Variants in MVB12B observed in about 807,000 individuals in gnomAD.
MVB12B encodes ESCRT-I complex subunit MVB12B.
In MVB12B, 16 loss-of-function variants were observed where a neutral mutation model predicts 41.6. The observed-to-expected ratio is 0.38, with a 90% confidence interval of 0.26 to 0.58. The LOEUF is 0.58. MVB12B is among the 20% of genes least tolerant of loss of function. MVB12B has a pLI of 0.62. For missense variants in MVB12B, 274 were observed against 380.2 expected, an observed-to-expected ratio of 0.72 and a Z score of 2.32; for synonymous variants, 133 against 139.7, an observed-to-expected ratio of 0.95 and a Z score of 0.34.
At chr9:126,327,156 C>G (rs1246995168) in intron 1 of MVB12B, 146 bp downstream of exon 1, 1 of 705,802 alleles carries the variant, frequency 1.4e-6, no homozygotes, top group Non-Finnish European at 1.7e-6. Flanking sequence ...CCGTGCCCGG[C>G]CCGCGGCGGG....
intron 7 of MVB12B, among the ~76,000 whole-genome samples, chr9:126,472,920 C>T (rs949980126): frequency 2.0e-5 from 3 of 151,752 alleles, no homozygotes; most frequent in East Asian, 1.9e-4. Context: ...GGAGGTAGCT[C>T]GATGCTGTGG....
At chr9:126,442,787 G>A (rs1020773900) in intron 7 of MVB12B, among the ~76,000 whole-genome samples, 13 of 152,124 alleles carry the variant, frequency 8.5e-5, no homozygotes, top group South Asian at 8.3e-4. Context: ...GCCTACAGCC[G>A]GCCAACATGA....
At chr9:126,413,027 C>T (rs1321483934) in intron 6 of MVB12B, among the ~76,000 whole-genome samples, 1 of 152,176 alleles carries the variant, frequency 6.6e-6, no homozygotes, top group African/African-American at 2.4e-5. Context: ...AGTTCATTGC[C>T]ATGACAAATG....
rs2119091569 is a variant in MVB12B at position 126,422,061 on chromosome 9, TCC to T, written c.757+115_757+116del. On this transcript the variant is annotated intron_variant, in intron 7 of 9. Coordinates refer to ENST00000361171, the MANE Select transcript of MVB12B (RefSeq NM_033446.3). ...TCTGTCTGCCTTACCTCTCTTTTCT[TCC>T]CTGCAGGGGACCTGTTCCCTGCAGG... 1.2e-5 allele frequency: 9 copies of T among 773,290 alleles called. No individual in the cohort carries two copies. In the South Asian group the frequency reaches 1.2e-4, roughly 10 times the overall value. 47.9% of individuals were successfully genotyped at this position (773,290 alleles called of 1,614,324 possible). A position where few individuals can be genotyped will look rare whatever the true frequency, so the allele number is the denominator to read the frequency against.
intron 7 of MVB12B, among the ~76,000 whole-genome samples, chr9:126,476,727 A>T (rs1197848817): frequency 1.3e-5 from 2 of 151,872 alleles, no homozygotes; most frequent in African/African-American, 4.8e-5. Flanking sequence ...ATACAAAAAA[A>T]TTAGCCGGGC....
At position 126,448,828 on chromosome 9, in the gene MVB12B, T is replaced by TC. The variant is rs377630223; in HGVS notation, c.757+26884dup. 3.7e-3 allele frequency among the ~76,000 whole-genome samples: 560 copies of TC among 152,034 alleles called. 2 individuals carry two copies. The highest frequency in any genetic ancestry group is 0.013 in the African/African-American group (539 of 41,454). On this transcript the variant is annotated intron_variant, in intron 7 of 9. Coordinates refer to ENST00000361171, the MANE Select transcript of MVB12B (RefSeq NM_033446.3). ...CTGATCCAGTCACCTCCCACCAGGC[T>TC]CCCCGCCTCCAACATTGGGAATCAC...
In MVB12B at chr9:126,468,521, C is replaced by T. The variant is rs558720283; in HGVS notation, c.758-12848C>T. Among the ~76,000 whole-genome samples, 5 of 152,324 alleles carry T rather than the reference C, an allele frequency of 3.3e-5. No individual in the cohort carries two copies. The South Asian group carries it at 6.2e-4, about 19-fold the overall frequency. On this transcript the variant is annotated intron_variant, in intron 7 of 9. Transcript: ENST00000361171. This position sits in a 1 kb window ranked among gnomAD's most constrained non-coding sequence, Gnocchi z 4.3. Reference sequence around the variant, plus strand: ...AGGATCCTGGGGTCACCCTTGATTCCGCCTTGCCCCTCTGCAGCCAGTGGC... The same window carrying T: ...AGGATCCTGGGGTCACCCTTGATTCTGCCTTGCCCCTCTGCAGCCAGTGGC...
chr9:126,417,429 TTTC>T (rs1261769050), intron 6 of MVB12B, among the ~76,000 whole-genome samples: 23 of 152,212 alleles, frequency 1.5e-4, no homozygotes, highest in African/African-American at 3.6e-4. Flanking sequence ...CTGCTGCTGA[TTTC>T]TTCTTACCCA....
At chr9:126,355,177 A>G (rs555400761) in intron 2 of MVB12B, among the ~76,000 whole-genome samples, 80 of 152,300 alleles carry the variant, frequency 5.3e-4, no homozygotes, top group Non-Finnish European at 1.1e-3. Flanking sequence ...TAGGGCCCTT[A>G]TGCAGGGAAT....
chr9:126,448,730 G>C (rs772254441), intron 7 of MVB12B, among the ~76,000 whole-genome samples: 1 of 152,224 alleles, frequency 6.6e-6, no homozygotes, highest in African/African-American at 2.4e-5. Flanking sequence ...ACCAGATCTC[G>C]GTGAATTAAT....
chr9:126,500,100 ACT>A (rs1833923179), intron 9 of MVB12B, among the ~76,000 whole-genome samples: 1 of 152,114 alleles, frequency 6.6e-6, no homozygotes, highest in African/African-American at 2.4e-5. Flanking sequence ...GGCTGTGGAC[ACT>A]CGGGCTGGGG....
chr9:126,380,929 G>C lies in MVB12B; in HGVS notation c.205-135G>C, dbSNP rs74405529. On this transcript the variant is annotated intron_variant, in intron 2 of 9. Transcript: ENST00000361171. ...TTGGAAAATCTCATCCCAGTGCCTA[G>C]TGAAATGAGCTAATGAGATGCCGGG... 4.6e-3 allele frequency: 2,787 copies of C among 611,550 alleles called. 34 individuals carry two copies. Among genetic ancestry groups the C allele is most frequent in the African/African-American group, 0.034 (1,855 of 54,440 alleles). The allele number at this position is 611,550 out of a possible 1,614,324, so 37.9% of individuals were successfully genotyped here. A position where few individuals can be genotyped will look rare whatever the true frequency, so the allele number is the denominator to read the frequency against.
At chr9:126,374,570 G>A (rs946657188) in intron 2 of MVB12B, among the ~76,000 whole-genome samples, 1 of 152,234 alleles carries the variant, frequency 6.6e-6, no homozygotes, top group Non-Finnish European at 1.5e-5. Flanking sequence ...AAGGTTTGTA[G>A]AGCCTTGTGT....
chr9:126,386,780 A>G lies in MVB12B; in HGVS notation c.409+122A>G, dbSNP rs989750797. 7.3e-6 allele frequency: 5 copies of G among 685,280 alleles called. No homozygotes were observed. Among genetic ancestry groups the G allele is most frequent in the East Asian group, 5.5e-5 (2 of 36,272 alleles). The allele number at this position is 685,280 out of a possible 1,614,324, so 42.4% of individuals were successfully genotyped here. A position where few individuals can be genotyped will look rare whatever the true frequency, so the allele number is the denominator to read the frequency against. ...CTTTTGGAGGCCTTACTACATGCCC[A>G]TGAACAAACCCTGCTGCTTTTGATG... is the stretch of plus-strand genomic sequence containing the variant. On this transcript the variant is annotated intron_variant, in intron 4 of 9. Coordinates refer to ENST00000361171, the MANE Select transcript of MVB12B (RefSeq NM_033446.3). The surrounding 1 kb of genome is among the most constrained non-coding windows in gnomAD (Gnocchi z 4.3).
intron 7 of MVB12B, among the ~76,000 whole-genome samples, chr9:126,431,091 C>T (rs140037234): frequency 6.6e-5 from 10 of 152,356 alleles, no homozygotes; most frequent in African/African-American, 2.4e-4. Flanking sequence ...GGCTTGGGCC[C>T]AGCACGGTCT....
At position 126,478,533 on chromosome 9, in the gene MVB12B, G is replaced by A. The variant is rs1833464198; in HGVS notation, c.758-2836G>A. ...TCGGGGAAGGCATGCTGCAGGAGAG[G>A]CACTCAGAAGACTGGGAAGGACAGT... On this transcript the variant is annotated intron_variant, in intron 7 of 9. Transcript: ENST00000361171. The surrounding 1 kb of genome is among the most constrained non-coding windows in gnomAD (Gnocchi z 4.2). 6.6e-6 allele frequency among the ~76,000 whole-genome samples: 1 copy of A among 152,202 alleles called. No individual in the cohort carries two copies. Among genetic ancestry groups the A allele is most frequent in the Admixed American group, 6.5e-5 (1 of 15,284 alleles).
At chr9:126,472,720 A>G (rs940234996) in intron 7 of MVB12B, among the ~76,000 whole-genome samples, 1 of 152,134 alleles carries the variant, frequency 6.6e-6, no homozygotes, top group African/African-American at 2.4e-5. Context: ...ATGTACTGGC[A>G]CTTCAGTTTG....
In MVB12B at chr9:126,481,350, T is replaced by G; in HGVS notation, c.758-19T>G. ...TCTTCAATACCTTTAATGCCATCTTTTTTTTTCTTCTTTTGCAGCAATGGA... is the reference window on the plus strand; with the variant it reads ...TCTTCAATACCTTTAATGCCATCTTGTTTTTTCTTCTTTTGCAGCAATGGA... On this transcript the variant is annotated intron_variant, in intron 7 of 9. Transcript: ENST00000361171. 1 of 1,610,098 alleles carries G rather than the reference T, an allele frequency of 6.2e-7. No individual in the cohort carries two copies.
chr9:126,462,850 T>G (rs1271909150), intron 7 of MVB12B, among the ~76,000 whole-genome samples: 1 of 152,216 alleles, frequency 6.6e-6, no homozygotes, highest in Non-Finnish European at 1.5e-5. Flanking sequence ...CCTGACAGGC[T>G]TACAGAGTGA....
Sources: allele counts gnomAD v4.1 joint callset (sites outside exome capture counted in the v4.1 genomes callset), GRCh38; gene constraint gnomAD v4.1.1; non-coding constraint Gnocchi (gnomAD v3.1); transcripts MANE v1.5; gene names NCBI Gene and HGNC (gene_info 2026-07-23, HGNC 2026-07-21).